PALMD: variants seen among roughly 807,000 people sequenced by gnomAD.
The protein encoded by PALMD is palmdelphin, also known as paralemmin-like protein.
Under a neutral mutation model 56.2 loss-of-function variants are expected in PALMD, and 42 were observed. That is an observed-to-expected ratio of 0.75 (90% CI 0.58 to 0.97). The LOEUF (loss-of-function observed/expected upper bound fraction) is 0.97, where lower values mean the gene tolerates loss of function less well. PALMD is among the 50% of genes least tolerant of loss of function. PALMD has a pLI of 0.00. For missense variants in PALMD, 660 were observed against 643.8 expected (o/e 1.03, Z -0.27); for synonymous variants, 242 against 222.9 (o/e 1.09, Z -0.76).
At position 99,689,378 on chromosome 1, in the gene PALMD, A is replaced by C. The variant is rs764296119; in HGVS notation, c.1118A>C (p.Glu373Ala). 18 of 1,613,772 alleles carry C rather than the reference A, an allele frequency of 1.1e-5. No homozygotes were observed. In the Admixed American group the frequency reaches 2.7e-4, roughly 24 times the overall value. Residue 373 changes from glutamate to alanine, a missense_variant, in exon 7 of 8, where the codon GAG (glutamate) becomes GCG (alanine). Glu to Ala is a moderately radical substitution (Grantham distance 107). Coordinates refer to ENST00000263174, the MANE Select transcript of PALMD (RefSeq NM_017734.5). Reference protein sequence around the residue: ...PSPKPRLSPRETIFGKSEHQN... With the variant: ...PSPKPRLSPRATIFGKSEHQN... The stretch of plus-strand genomic sequence containing the variant: ...CCAAAGCCAAGGCTGAGCCCCAGAG[A>C]GACAATATTTGGGAAATCTGAACAC...
At chr1:99,689,991 T>A in intron 7 of PALMD, 119 bp downstream of exon 7, 1 of 821,740 alleles carries the variant, frequency 1.2e-6, no homozygotes, top group Non-Finnish European at 1.9e-6. Context: ...CGCACTGAGA[T>A]TTTTTTATTA....
At chr1:99,650,532 G>A (rs1210249651) in intron 1 of PALMD, among the ~76,000 whole-genome samples, 1 of 152,178 alleles carries the variant, frequency 6.6e-6, no homozygotes, top group Admixed American at 6.5e-5. Context: ...TGTTACAAGT[G>A]TCTCTGGGCA....
rs926301418 is a variant in PALMD at position 99,664,056 on chromosome 1, G to A, written c.126+1657G>A. Reference sequence around the variant, plus strand: ...TCTTGTCCACATTCCTTTGCCAGTCGTGCACTCTGGTTCAGGGATGCTTAT... The same window carrying A: ...TCTTGTCCACATTCCTTTGCCAGTCATGCACTCTGGTTCAGGGATGCTTAT... On this transcript the variant is annotated intron_variant, in intron 2 of 7. Coordinates refer to ENST00000263174, the MANE Select transcript of PALMD (RefSeq NM_017734.5). Among the ~76,000 whole-genome samples, 24 of 152,208 alleles carry A rather than the reference G, an allele frequency of 1.6e-4. No homozygotes were observed. The East Asian group carries it at 3.7e-3, about 23-fold the overall frequency.
At chr1:99,686,379 T>G in intron 3 of PALMD, 1 of 186,066 alleles carries the variant, frequency 5.4e-6, no homozygotes, top group African/African-American at 2.3e-5. Context: ...CTCTTTTATT[T>G]GGAAATAACA....
intron 1 of PALMD, among the ~76,000 whole-genome samples, chr1:99,658,303 CAAA>C (rs144642179): frequency 9.5e-5 from 10 of 105,194 alleles, no homozygotes; most frequent in Admixed American, 1.9e-4. Context: ...GACTCTGTCT[CAAA>C]AAAAAAAAAA....
chr1:99,662,498 T>A (rs992043553), intron 2 of PALMD, 99 bp downstream of exon 2: 1 of 737,360 alleles, frequency 1.4e-6, no homozygotes, highest in Non-Finnish European at 2.3e-6. Flanking sequence ...AAGAAAAAAA[T>A]TTCAAGATAG....
intron 1 of PALMD, among the ~76,000 whole-genome samples, chr1:99,650,750 G>A (rs1652563203): frequency 6.6e-6 from 1 of 152,182 alleles, no homozygotes; most frequent in South Asian, 2.1e-4. Context: ...TTCTGAGCAT[G>A]ATGACCTGGG....
intron 4 of PALMD, 65 bp from the exon 5 acceptor site, chr1:99,686,865 C>A: frequency 1.5e-6 from 2 of 1,366,988 alleles, no homozygotes; most frequent in Non-Finnish European, 2.1e-6. Flanking sequence ...TTTTTCAAAG[C>A]ATATCCACAT....
At chr1:99,664,034 T>C (rs1253453668) in intron 2 of PALMD, among the ~76,000 whole-genome samples, 1 of 152,190 alleles carries the variant, frequency 6.6e-6, no homozygotes, top group Non-Finnish European at 1.5e-5. Flanking sequence ...GCTAAAATCT[T>C]GTCCACATTC....
chr1:99,648,831 GTATA>G (rs1172293667), intron 1 of PALMD, among the ~76,000 whole-genome samples: 6 of 144,894 alleles, frequency 4.1e-5, no homozygotes, highest in African/African-American at 1.5e-4. Context: ...AAAAATAAAC[GTATA>G]TACCTAGAAT....
Position 99,688,869 on chromosome 1 carries a change from A to G in PALMD, c.609A>G (p.Lys203=). ...SSIPLPSDDF[K]GTGIKVYDDG... is the part of the protein sequence containing the mutation. ...TACCTCTGCCATCAGATGACTTTAA[A>G]GGTACAGGAATAAAAGTTTATGATG... The change falls in exon 7 of 8, where the codon AAA becomes AAG. Residue 203 remains lysine, a synonymous_variant. Transcript: ENST00000263174. 6.2e-7 allele frequency: 1 copy of G among 1,613,440 alleles called. No homozygotes were observed. The highest frequency in any genetic ancestry group is 8.5e-7 in the Non-Finnish European group (1 of 1,179,418).
At chr1:99,681,559 A>G (rs544198141) in intron 3 of PALMD, among the ~76,000 whole-genome samples, 1 of 152,346 alleles carries the variant, frequency 6.6e-6, no homozygotes, top group East Asian at 1.9e-4. Context: ...AAATAAAAAT[A>G]TAAAAGAAAT....
At chr1:99,693,922 G>C (rs1313916505) in intron 7 of PALMD, 97 bp from the exon 8 acceptor site, 4 of 760,556 alleles carry the variant, frequency 5.3e-6, no homozygotes, top group Non-Finnish European at 9.0e-6. Flanking sequence ...AACCATCTGA[G>C]GTATGTTCTA....
chr1:99,655,787 T>C (rs74860755), intron 1 of PALMD, among the ~76,000 whole-genome samples: 1,627 of 152,320 alleles, frequency 0.011, 31 homozygotes, highest in African/African-American at 0.037. Flanking sequence ...TCTACCCTTT[T>C]GAGGATCAAG....
chr1:99,656,741 G>A (rs1324274182), intron 1 of PALMD, among the ~76,000 whole-genome samples: 1 of 152,084 alleles, frequency 6.6e-6, no homozygotes, highest in Non-Finnish European at 1.5e-5. Flanking sequence ...AAAGAGCCCA[G>A]GACTGAGAAT....
chr1:99,685,093 A>G (rs1157891380), intron 3 of PALMD: 1 of 152,242 alleles, frequency 6.6e-6, no homozygotes, highest in East Asian at 1.9e-4. Context: ...AAATTATATC[A>G]TAACATATTT....
In PALMD at chr1:99,667,625, A is replaced by G. The variant is rs12094505; in HGVS notation, c.127-17A>G. 2.0e-3 allele frequency: 3,245 copies of G among 1,608,680 alleles called. 57 individuals are homozygous for G. In the African/African-American group the frequency reaches 0.037, roughly 19 times the overall value. ...TTGACCAATATAAGAACATATCTTT[A>G]TGTTTCCTGACATCAGAAAAAGGCC... On this transcript the variant is annotated splice_polypyrimidine_tract_variant and intron_variant, in intron 2 of 7. Transcript: ENST00000263174.
chr1:99,647,589 T>C (rs1210809934), intron 1 of PALMD, among the ~76,000 whole-genome samples: 1 of 152,342 alleles, frequency 6.6e-6, no homozygotes, highest in Middle Eastern at 3.4e-3. Flanking sequence ...TTGTTTGTTT[T>C]GTTTTGTCCT....
In PALMD at chr1:99,661,371, T is replaced by G. The variant is rs563899243; in HGVS notation, c.46-948T>G. Among the ~76,000 whole-genome samples the G allele has an allele frequency of 1.8e-3, 268 of 152,348 alleles. 1 individual carries two copies. Among genetic ancestry groups the G allele is most frequent in the African/African-American group, 6.3e-3 (260 of 41,584 alleles). On this transcript the variant is annotated intron_variant, in intron 1 of 7. Coordinates refer to ENST00000263174, the MANE Select transcript of PALMD (RefSeq NM_017734.5). ...AATGAAAGCACTGTCAGATTTAATG[T>G]GTTGCTTTCTATGTGATTAACAAGT...
Sources: gnomAD v4.1 joint callset for allele counts (sites outside exome capture counted in the v4.1 genomes callset) on GRCh38, gnomAD v4.1.1 for gene constraint, MANE v1.5 for transcripts, NCBI Gene and HGNC (gene_info 2026-07-23, HGNC 2026-07-21) for gene names.